LARP7: variants seen among roughly 807,000 people sequenced by gnomAD.
LARP7 encodes the protein la-related protein 7.
In LARP7, 52 loss-of-function variants were observed where a neutral mutation model predicts 69.3. The observed-to-expected ratio is 0.75, with a 90% CI of 0.60 to 0.95. The LOEUF (loss-of-function observed/expected upper bound fraction) is 0.95. LARP7 is among the 40% of genes least tolerant of loss of function. The probability of loss-of-function intolerance (pLI) is 0.00; values close to 1 mark genes in which losing one functional copy is unlikely to be tolerated. For synonymous variants in LARP7, 254 were observed against 215.9 expected (o/e 1.18, Z -1.55); for missense variants, 733 against 673.0 (o/e 1.09, Z -0.99).
intron 8 of LARP7, chr4:112,648,417 T>C (rs772356066): frequency 1.9e-6 from 1 of 534,458 alleles, no homozygotes; most frequent in Non-Finnish European, 3.8e-6. Context: ...GGTACCCCCA[T>C]GTTAAAGCAA....
intron 1 of LARP7, chr4:112,637,633 T>G (rs998939954): frequency 2.6e-5 from 4 of 152,276 alleles, no homozygotes; most frequent in Admixed American, 2.0e-4. Flanking sequence ...AATTATCATC[T>G]TCTTTTGCAG....
intron 1 of LARP7, among the ~76,000 whole-genome samples, chr4:112,642,080 G>T (rs75219278): frequency 6.6e-6 from 1 of 152,138 alleles, no homozygotes; most frequent in African/African-American, 2.4e-5. Context: ...AAGAAGACTC[G>T]TTTGGAAGCT....
chr4:112,646,530 TTATAGCTTACAATTATA>T, intron 3 of LARP7, 41 bp from the exon 4 acceptor site: 1 of 1,274,586 alleles, frequency 7.8e-7, no homozygotes, highest in South Asian at 1.5e-5. Context: ...TATTATATGA[TTATAGCTTACAATTATA>T]AATAATATTA....
intron 10 of LARP7, among the ~76,000 whole-genome samples, chr4:112,650,913 G>C (rs1307453714): frequency 6.6e-6 from 1 of 151,896 alleles, no homozygotes; most frequent in Non-Finnish European, 1.5e-5. Flanking sequence ...TTATAGAAAA[G>C]TAAAATATTT....
rs775548361 is a variant in LARP7 at position 112,646,445 on chromosome 4, T to G, written c.297T>G (p.Val99=). 3 of 1,580,054 alleles carry G rather than the reference T, an allele frequency of 1.9e-6. No individual in the cohort carries two copies. Among genetic ancestry groups the G allele is most frequent in the Non-Finnish European group, 2.6e-6 (3 of 1,152,524 alleles). ...CCAGAGCATTGAGAAGTTCAGCTGT[T>G]GTAGAGGTAAGAATCAAGAATAACT... ...LIARALRSSA[V]VELDLEGTRI... The change falls in exon 3 of 13, where the codon GTT becomes GTG. Residue 99 remains valine (V), a synonymous_variant. Coordinates refer to ENST00000344442, the MANE Select transcript of LARP7 (RefSeq NM_016648.4).
intron 2 of LARP7, 59 bp downstream of exon 2, chr4:112,644,930 A>G: frequency 1.6e-6 from 1 of 631,110 alleles, no homozygotes; most frequent in South Asian, 4.4e-5. Flanking sequence ...AAATTTACTT[A>G]TAAAATAATA....
intron 6 of LARP7, 35 bp from the exon 7 acceptor site, chr4:112,647,164 A>AG (rs776926794): frequency 1.9e-6 from 3 of 1,595,016 alleles, no homozygotes; most frequent in South Asian, 1.2e-5. Context: ...GTGTAGTTGA[A>AG]GTAAGATGAA....
chr4:112,640,564 G>T (rs925279481), intron 1 of LARP7, among the ~76,000 whole-genome samples: 1 of 152,154 alleles, frequency 6.6e-6, no homozygotes, highest in East Asian at 1.9e-4. Context: ...GCAGGGTGTG[G>T]TGACAGCTGC....
At chr4:112,650,739 GT>G in intron 10 of LARP7, among the ~76,000 whole-genome samples, 157 bp downstream of exon 10, 1 of 152,166 alleles carries the variant, frequency 6.6e-6, no homozygotes, top group South Asian at 2.1e-4. Context: ...TAACTCTTAG[GT>G]TTAATTTTGA....
Position 112,646,970 on chromosome 4 carries a change from T to TAA in LARP7, c.552+27_552+28dup, listed in dbSNP as rs747753883. On this transcript the variant is annotated intron_variant, in intron 5 of 12. Coordinates refer to ENST00000344442, the MANE Select transcript of LARP7 (RefSeq NM_016648.4). ...AAGCAATTGAGGTAAGTCCAGATCC[T>TAA]AAAAAAAAAAAAAGAAAGAAAAGAA... is the stretch of plus-strand genomic sequence containing the variant. The TAA allele has an allele frequency of 7.4e-5, 102 of 1,383,578 alleles. No homozygotes were observed. Among genetic ancestry groups the TAA allele is most frequent in the Admixed American group, 1.4e-4 (6 of 42,456 alleles). 85.7% of individuals were successfully genotyped at this position (1,383,578 alleles called of 1,614,324 possible).
chr4:112,657,219 T>C (rs748763317), intron 12 of LARP7, 28 bp from the exon 13 acceptor site: 1 of 1,261,122 alleles, frequency 7.9e-7, no homozygotes, highest in Non-Finnish European at 1.1e-6. Flanking sequence ...ATCCAATACA[T>C]TTTAATTTTT....
intron 10 of LARP7, among the ~76,000 whole-genome samples, chr4:112,652,546 G>T (rs1275473913): frequency 6.6e-6 from 1 of 151,990 alleles, no homozygotes; most frequent in African/African-American, 2.4e-5. Context: ...ATTTTTTTCA[G>T]AAAGTAAGAG....
chr4:112,647,771 A>G lies in LARP7; in HGVS notation c.1079A>G (p.Lys360Arg), dbSNP rs975850028. 8 of 1,580,862 alleles carry G rather than the reference A, an allele frequency of 5.1e-6. No homozygotes were observed. The African/African-American group carries it at 9.5e-5, about 19-fold the overall frequency. Reference sequence around the variant, plus strand: ...CTCTTGAAAACAAAAAGGAAACATAAGAAAAAACATAAAGAGAGACATAAA... The same window carrying G: ...CTCTTGAAAACAAAAAGGAAACATAGGAAAAAACATAAAGAGAGACATAAA... ...SSLLKTKRKHKKKHKERHKMG... is the reference protein window; with the variant it reads ...SSLLKTKRKHRKKHKERHKMG... Residue 360 changes from lysine to arginine, a missense_variant, in exon 8 of 13, where the codon AAG (lysine) becomes AGG (arginine). By Grantham distance (26) the Lys-to-Arg change is conservative (BLOSUM62 2). Transcript: ENST00000344442.
chr4:112,639,193 G>A (rs2047851261), intron 1 of LARP7, among the ~76,000 whole-genome samples: 1 of 151,078 alleles, frequency 6.6e-6, no homozygotes, highest in Admixed American at 6.6e-5. Context: ...TTCATTTAAA[G>A]CCAGTTAAAT....
At position 112,650,565 on chromosome 4, in the gene LARP7, G is replaced by T; in HGVS notation, c.1399G>T (p.Gly467Cys). ...GATCATTAGCACAGAGCCTCTACCT[G>T]GCAGGAAACAAGTCCGGGTAATGAT... ...VKIISTEPLP[G>C]RKQVRDTLAA... Residue 467 changes from glycine to cysteine, a missense_variant, in exon 10 of 13, where the codon GGC becomes TGC. Gly to Cys is a radical substitution (Grantham distance 159). Transcript: ENST00000344442. The T allele has an allele frequency of 6.2e-7, 1 of 1,613,296 alleles. No individual in the cohort carries two copies.
chr4:112,638,734 C>T (rs1030103270), intron 1 of LARP7, among the ~76,000 whole-genome samples: 4 of 152,214 alleles, frequency 2.6e-5, no homozygotes, highest in African/African-American at 9.7e-5. Context: ...ACTACATACT[C>T]AATGATGTAC....
chr4:112,644,354 T>TA (rs1432925952), intron 1 of LARP7: 3 of 461,892 alleles, frequency 6.5e-6, no homozygotes, highest in East Asian at 3.8e-5. Flanking sequence ...CCCTTAATCT[T>TA]ACACTTTTCA....
In LARP7 at chr4:112,647,552, A is replaced by G. The variant is rs752382139; in HGVS notation, c.997+3A>G. On this transcript the variant is annotated splice_donor_region_variant and intron_variant, in intron 7 of 12. Transcript: ENST00000344442. ...AGAAGCTTCCAAGGAAAATAGAGGT[A>G]AAACTACAAGGTTTTAATTAGATAA... 5.7e-6 allele frequency: 9 copies of G among 1,586,408 alleles called. No individual in the cohort carries two copies. The Admixed American group carries it at 1.7e-4, about 29-fold the overall frequency.
Position 112,653,239 on chromosome 4 carries a change from A to G in LARP7, c.1576+3A>G. ...CTGGAAACTCGAGATCCTTTCTGGT[A>G]AAACTTCATAGACGTTTCCTTTTTT... is the stretch of plus-strand genomic sequence containing the variant. On this transcript the variant is annotated splice_donor_region_variant and intron_variant, in intron 11 of 12. Coordinates refer to ENST00000344442, the MANE Select transcript of LARP7 (RefSeq NM_016648.4). The G allele has an allele frequency of 6.3e-7, 1 of 1,575,964 alleles. No individual in the cohort carries two copies.
Sources: allele counts gnomAD v4.1 joint callset (sites outside exome capture counted in the v4.1 genomes callset), GRCh38; gene constraint gnomAD v4.1.1; transcripts MANE v1.5; gene names NCBI Gene and HGNC (gene_info 2026-07-23, HGNC 2026-07-21).